The following PPFIA2 variants were observed in gnomAD, a reference collection of about 807,000 sequenced individuals.
The protein encoded by PPFIA2 is PPFI scaffold protein A2, also known as liprin-alpha-2.
PPFIA2 carries 46 observed loss-of-function variants against 175.5 expected under a neutral mutation model. The observed-to-expected ratio is 0.26, with a 90% CI of 0.21 to 0.34. The LOEUF (loss-of-function observed/expected upper bound fraction) is 0.34. Ranked by LOEUF, PPFIA2 falls within the 10% of genes least tolerant of loss-of-function variation. The pLI is 1.00. For missense variants in PPFIA2, 1,179 were observed against 1,506.1 expected (o/e 0.78, Z 3.60); for synonymous variants, 568 against 511.4 (o/e 1.11, Z -1.49).
At chr12:81,452,980 C>T (rs914859956) in intron 5 of PPFIA2, among the ~76,000 whole-genome samples, 10 of 149,932 alleles carry the variant, frequency 6.7e-5, no homozygotes, top group South Asian at 2.1e-4. Flanking sequence ...AAAACCATAA[C>T]GTTTTTCTTT....
chr12:81,544,440 T>G (rs2066681217), intron 4 of PPFIA2, among the ~76,000 whole-genome samples: 1 of 152,108 alleles, frequency 6.6e-6, no homozygotes, highest in Non-Finnish European at 1.5e-5. Context: ...ACTATTGCCA[T>G]TAGGATGAAG....
intron 3 of PPFIA2, among the ~76,000 whole-genome samples, chr12:81,682,394 C>G (rs1213389273): frequency 6.6e-6 from 1 of 151,992 alleles, no homozygotes; most frequent in African/African-American, 2.4e-5. Context: ...GTTTAAGTCA[C>G]TCAGTCTGTG....
intron 3 of PPFIA2, among the ~76,000 whole-genome samples, chr12:81,745,064 C>G (rs1190876225): frequency 6.6e-6 from 1 of 152,166 alleles, no homozygotes; most frequent in African/African-American, 2.4e-5. Context: ...CTGATTCCCT[C>G]AGGTTAAGAA....
intron 13 of PPFIA2, among the ~76,000 whole-genome samples, chr12:81,367,738 C>G (rs17008439): frequency 6.6e-6 from 1 of 151,492 alleles, no homozygotes; most frequent in Non-Finnish European, 1.5e-5. Context: ...AAGTTGGCAT[C>G]ATAGATACTT....
chr12:81,469,875 T>A (rs181392182), intron 4 of PPFIA2, among the ~76,000 whole-genome samples: 11 of 152,240 alleles, frequency 7.2e-5, no homozygotes, highest in Non-Finnish European at 1.3e-4. Context: ...TATTTCCCAT[T>A]TTAGAAGAGG....
intron 3 of PPFIA2, among the ~76,000 whole-genome samples, chr12:81,702,867 T>G (rs2076661062): frequency 6.6e-6 from 1 of 152,140 alleles, no homozygotes; most frequent in African/African-American, 2.4e-5. Context: ...CACTGGAGCT[T>G]CTTCCCTCCC....
At chr12:81,486,528 G>C (rs2058836514) in intron 4 of PPFIA2, among the ~76,000 whole-genome samples, 1 of 151,816 alleles carries the variant, frequency 6.6e-6, no homozygotes, top group South Asian at 2.1e-4. Flanking sequence ...TTCTATTTAT[G>C]ATAAACATAT....
chr12:81,547,389 T>A (rs2067168419), intron 4 of PPFIA2, among the ~76,000 whole-genome samples: 2 of 152,272 alleles, frequency 1.3e-5, no homozygotes, highest in African/African-American at 4.8e-5. Flanking sequence ...TTTTTTTTCT[T>A]TTTGAGACAG....
At chr12:81,294,698 A>G (rs574803710) in intron 24 of PPFIA2, 137 bp downstream of exon 24, 33 of 814,428 alleles carry the variant, frequency 4.1e-5, no homozygotes, top group Non-Finnish European at 6.1e-5. Flanking sequence ...AGCAAGGTTA[A>G]TAAAGAGCAA....
At chr12:81,615,247 T>C (rs746442554) in intron 4 of PPFIA2, among the ~76,000 whole-genome samples, 1 of 152,088 alleles carries the variant, frequency 6.6e-6, no homozygotes, top group Non-Finnish European at 1.5e-5. Context: ...ATAACTGAGA[T>C]GGGGAAGGCT....
intron 4 of PPFIA2, among the ~76,000 whole-genome samples, chr12:81,576,670 C>A (rs922782964): frequency 6.6e-6 from 1 of 151,772 alleles, no homozygotes; most frequent in Non-Finnish European, 1.5e-5. Flanking sequence ...ATATAAATGT[C>A]TTTAGAATGC....
At chr12:81,565,142 C>A (rs1567354386) in intron 4 of PPFIA2, among the ~76,000 whole-genome samples, 1 of 152,146 alleles carries the variant, frequency 6.6e-6, no homozygotes, top group Non-Finnish European at 1.5e-5. Flanking sequence ...ACATCCCCTC[C>A]CCGATCCATG....
intron 32 of PPFIA2, chr12:81,260,719 G>A (rs2035171028): frequency 6.6e-6 from 1 of 152,150 alleles, no homozygotes; most frequent in Non-Finnish European, 1.5e-5. Context: ...TAAATTGTGT[G>A]GCACTTTTAG....
chr12:81,360,479 A>G (rs2061439368), intron 15 of PPFIA2, among the ~76,000 whole-genome samples: 2 of 151,694 alleles, frequency 1.3e-5, no homozygotes, highest in Non-Finnish European at 3.0e-5. Context: ...GTCCTTTCCA[A>G]TTACCCAGAG....
chr12:81,287,979 A>C (rs1290584516), intron 24 of PPFIA2, among the ~76,000 whole-genome samples: 1 of 151,838 alleles, frequency 6.6e-6, no homozygotes, highest in Non-Finnish European at 1.5e-5. Context: ...TCCCCCAAAA[A>C]TGTGCGAGCT....
chr12:81,419,234 A>G (rs1181642802), intron 7 of PPFIA2, among the ~76,000 whole-genome samples: 1 of 152,004 alleles, frequency 6.6e-6, no homozygotes, highest in Non-Finnish European at 1.5e-5. Context: ...ACTTACTAAC[A>G]CTGAAATTAA....
At chr12:81,619,546 A>G (rs1285067108) in intron 4 of PPFIA2, among the ~76,000 whole-genome samples, 1 of 152,194 alleles carries the variant, frequency 6.6e-6, no homozygotes, top group Non-Finnish European at 1.5e-5. Flanking sequence ...ATATAAATAA[A>G]TAATTTTTCT....
intron 3 of PPFIA2, among the ~76,000 whole-genome samples, chr12:81,690,471 T>G (rs2075101164): frequency 6.6e-6 from 1 of 152,046 alleles, no homozygotes; most frequent in South Asian, 2.1e-4. Flanking sequence ...CAAAGTCTAT[T>G]CCTGTCTCAC....
intron 4 of PPFIA2, among the ~76,000 whole-genome samples, chr12:81,532,359 T>A (rs1018793796): frequency 2.0e-4 from 31 of 151,748 alleles, no homozygotes; most frequent in Non-Finnish European, 4.1e-4. Flanking sequence ...GAAAATCATA[T>A]AGTCCCTGAG....
Sources: allele counts gnomAD v4.1 joint callset (sites outside exome capture counted in the v4.1 genomes callset), GRCh38; gene constraint gnomAD v4.1.1; transcripts MANE v1.5; gene names NCBI Gene and HGNC (gene_info 2026-07-23, HGNC 2026-07-21).